SLC35F3: variants seen among roughly 807,000 people sequenced by gnomAD.
SLC35F3 encodes the protein putative thiamine transporter SLC35F3.
In SLC35F3, 25 loss-of-function variants were observed where a neutral mutation model predicts 49.9. The observed-to-expected ratio is 0.50, with a 90% CI of 0.37 to 0.70. SLC35F3 has a LOEUF of 0.70. Among genes scored for constraint, SLC35F3 ranks in the 30% least tolerant of loss-of-function variants. The probability of loss-of-function intolerance (pLI) is 0.00; values close to 1 mark genes in which losing one functional copy is unlikely to be tolerated. For missense variants in SLC35F3, 525 were observed against 639.8 expected (o/e 0.82, Z 1.94); for synonymous variants, 275 against 265.4 (o/e 1.04, Z -0.35).
chr1:234,113,180 A>G (rs891013322), intron 2 of SLC35F3, among the ~76,000 whole-genome samples: 2 of 152,220 alleles, frequency 1.3e-5, no homozygotes, highest in Non-Finnish European at 2.9e-5. Flanking sequence ...GATAATTTCC[A>G]CATTTGTCCT....
At chr1:234,307,371 C>T (rs1242232722) in intron 3 of SLC35F3, among the ~76,000 whole-genome samples, 1 of 152,198 alleles carries the variant, frequency 6.6e-6, no homozygotes, top group East Asian at 1.9e-4. Flanking sequence ...CTCCACAAAA[C>T]GGTAAGTGTG....
At chr1:233,908,536 CTTTTTTTTTT>C (rs898041195) in intron 2 of SLC35F3, among the ~76,000 whole-genome samples, 3 of 84,880 alleles carry the variant, frequency 3.5e-5, no homozygotes, top group South Asian at 4.6e-4. Context: ...GTAAAGGATT[CTTTTTTTTTT>C]TTTTTTTTTT....
intron 2 of SLC35F3, among the ~76,000 whole-genome samples, chr1:234,008,763 C>A (rs1236762800): frequency 1.3e-5 from 2 of 152,170 alleles, no homozygotes; most frequent in East Asian, 3.8e-4. Context: ...GCTTCTTCAA[C>A]TTCTGTTGGC....
intron 2 of SLC35F3, among the ~76,000 whole-genome samples, chr1:234,126,400 A>G (rs1665647418): frequency 6.6e-6 from 1 of 152,200 alleles, no homozygotes; most frequent in South Asian, 2.1e-4. Flanking sequence ...CAATGGTAAC[A>G]TCTTGCAAAA....
intron 2 of SLC35F3, among the ~76,000 whole-genome samples, chr1:234,194,728 T>A (rs1572089846): frequency 6.6e-6 from 1 of 152,238 alleles, no homozygotes; most frequent in African/African-American, 2.4e-5. Flanking sequence ...CCTCTAGGCA[T>A]CTCCAGAATC....
chr1:234,288,738 G>A (rs1427854986), intron 3 of SLC35F3, among the ~76,000 whole-genome samples: 1 of 152,156 alleles, frequency 6.6e-6, no homozygotes, highest in Non-Finnish European at 1.5e-5. Flanking sequence ...AGGAAACTAA[G>A]GATCCCAAAG....
At chr1:234,107,385 C>T (rs1665300454) in intron 2 of SLC35F3, among the ~76,000 whole-genome samples, 1 of 152,176 alleles carries the variant, frequency 6.6e-6, no homozygotes, top group South Asian at 2.1e-4. Context: ...ATTTAATCTA[C>T]CATTTCAGCT....
intron 3 of SLC35F3, among the ~76,000 whole-genome samples, chr1:234,261,359 CAGGGAATTCCTGGAACTG>C (rs1199443782): frequency 2.0e-5 from 3 of 152,152 alleles, no homozygotes; most frequent in Non-Finnish European, 4.4e-5. Flanking sequence ...GGGAAAGGGG[CAGGGAATTCCTGGAACTG>C]AGGGAATTCC....
At chr1:233,944,019 C>G (rs374689311) in intron 2 of SLC35F3, among the ~76,000 whole-genome samples, 2 of 152,320 alleles carry the variant, frequency 1.3e-5, no homozygotes, top group South Asian at 2.1e-4. Flanking sequence ...GTACCAGAAT[C>G]TCTGGGACAC....
intron 2 of SLC35F3, among the ~76,000 whole-genome samples, chr1:234,041,449 G>A (rs1192996301): frequency 6.6e-6 from 1 of 151,852 alleles, no homozygotes; most frequent in East Asian, 1.9e-4. Flanking sequence ...CCAGAATCCA[G>A]TCACATGCAC....
In SLC35F3 at chr1:234,076,998, G is replaced by GT. The variant is rs56254338; in HGVS notation, c.284-154402dup. Among the ~76,000 whole-genome samples the GT allele has an allele frequency of 6.4e-3, 582 of 91,206 alleles. 4 individuals are homozygous for GT. Among genetic ancestry groups the GT allele is most frequent in the Middle Eastern group, 0.032 (6 of 190 alleles). 59.8% of individuals were successfully genotyped at this position (91,206 alleles called of 152,430 possible). On this transcript the variant is annotated intron_variant, in intron 2 of 7. Transcript: ENST00000366618. ...TATAAAAGAAAGAGGTTTTTTTTTT[G>GT]TTTTTTTTTTTTTTTTTGAGACGGA...
chr1:234,035,620 A>G (rs1664130664), intron 2 of SLC35F3, among the ~76,000 whole-genome samples: 1 of 152,024 alleles, frequency 6.6e-6, no homozygotes, highest in Non-Finnish European at 1.5e-5. Flanking sequence ...CCCTCTAATT[A>G]TCTTTGCTTT....
At chr1:233,954,166 C>G (rs990318444) in intron 2 of SLC35F3, among the ~76,000 whole-genome samples, 18 of 152,150 alleles carry the variant, frequency 1.2e-4, no homozygotes, top group African/African-American at 4.3e-4. Context: ...GCCACCGCAC[C>G]TGGGTAATTT....
intron 2 of SLC35F3, among the ~76,000 whole-genome samples, chr1:233,966,631 A>G (rs1458741766): frequency 1.3e-5 from 2 of 152,044 alleles, no homozygotes; most frequent in Admixed American, 1.3e-4. Context: ...TAAAGATCCT[A>G]TTAAAAAAAT....
rs145114559 is a variant in SLC35F3, at chr1:234,276,772, G to A, written c.609-32329G>A. ...TATAAATGGCTTGCAGGCCTGGCAGGTGCCAAAGAAAAAATAAAATGTCAT... is the reference window on the plus strand; with the variant it reads ...TATAAATGGCTTGCAGGCCTGGCAGATGCCAAAGAAAAAATAAAATGTCAT... On this transcript the variant is annotated intron_variant, in intron 3 of 7. Coordinates refer to ENST00000366618, the MANE Select transcript of SLC35F3 (RefSeq NM_173508.4). Among the ~76,000 whole-genome samples, 935 of 152,288 alleles carry A rather than the reference G, an allele frequency of 6.1e-3. 6 individuals are homozygous for A. Among genetic ancestry groups the A allele is most frequent in the Non-Finnish European group, 9.2e-3 (623 of 68,022 alleles).
intron 2 of SLC35F3, among the ~76,000 whole-genome samples, chr1:234,125,649 C>G (rs1354602650): frequency 1.3e-5 from 2 of 152,218 alleles, no homozygotes; most frequent in Non-Finnish European, 2.9e-5. Context: ...AACCCAGTCT[C>G]TGTTTCTCAA....
At chr1:234,253,561 A>C (rs1205242774) in intron 3 of SLC35F3, among the ~76,000 whole-genome samples, 1 of 152,128 alleles carries the variant, frequency 6.6e-6, no homozygotes, top group Non-Finnish European at 1.5e-5. Flanking sequence ...TGTTAGTAGG[A>C]TGGGAAGAGG....
intron 2 of SLC35F3, among the ~76,000 whole-genome samples, chr1:234,142,571 T>G (rs1315139409): frequency 6.6e-6 from 1 of 151,824 alleles, no homozygotes; most frequent in African/African-American, 2.4e-5. Context: ...ATGGAAATAT[T>G]TACTGCCCAG....
At chr1:233,925,935 T>A (rs1230848701) in intron 2 of SLC35F3, among the ~76,000 whole-genome samples, 1 of 152,224 alleles carries the variant, frequency 6.6e-6, no homozygotes, top group Non-Finnish European at 1.5e-5. Context: ...GAAAATTCTT[T>A]TCTTTAAGAA....
Sources: gnomAD v4.1 joint callset for allele counts (sites outside exome capture counted in the v4.1 genomes callset) on GRCh38, gnomAD v4.1.1 for gene constraint, MANE v1.5 for transcripts, NCBI Gene and HGNC (gene_info 2026-07-23, HGNC 2026-07-21) for gene names.